CAPN5: variants seen among roughly 807,000 people sequenced by gnomAD.
The protein encoded by CAPN5 is calpain 5.
In CAPN5, 54 loss-of-function variants were observed where a neutral mutation model predicts 73.0. The observed-to-expected ratio is 0.74, with a 90% CI of 0.59 to 0.93. The LOEUF (loss-of-function observed/expected upper bound fraction) is 0.93, where lower values mean the gene tolerates loss of function less well. CAPN5 is among the 40% of genes least tolerant of loss of function. The pLI, the probability that CAPN5 is intolerant of heterozygous loss-of-function variation, is 0.00. For synonymous variants in CAPN5, 335 were observed against 356.9 expected, an observed-to-expected ratio of 0.94 and a Z score of 0.69; for missense variants, 785 against 882.9, an observed-to-expected ratio of 0.89 and a Z score of 1.41.
At chr11:77,100,964 C>T (rs929341670) in intron 3 of CAPN5, among the ~76,000 whole-genome samples, 10 of 152,202 alleles carry the variant, frequency 6.6e-5, no homozygotes, top group Non-Finnish European at 1.3e-4. Flanking sequence ...GCCAAAGGCC[C>T]AGTCTCTCTG....
chr11:77,088,794 T>C (rs567460268), intron 2 of CAPN5, among the ~76,000 whole-genome samples: 7 of 152,284 alleles, frequency 4.6e-5, no homozygotes, highest in Non-Finnish European at 8.8e-5. Flanking sequence ...ACACCAGGAA[T>C]AGAAACCTGA....
chr11:77,093,600 TCTGTGTCTGTC>T (rs1457908939), intron 2 of CAPN5, 71 bp from the exon 3 acceptor site: 27 of 1,418,782 alleles, frequency 1.9e-5, no homozygotes, highest in Admixed American at 8.3e-5. Flanking sequence ...GTCTGTCACG[TCTGTGTCTGTC>T]ATGTCTCCTG....
intron 2 of CAPN5, among the ~76,000 whole-genome samples, chr11:77,085,368 G>A (rs1950074942): frequency 6.6e-6 from 1 of 152,108 alleles, no homozygotes. Context: ...GGGGTGATGT[G>A]GATATGACCA....
At chr11:77,120,575 A>C in intron 9 of CAPN5, 138 bp from the exon 10 acceptor site, 1 of 599,646 alleles carries the variant, frequency 1.7e-6, no homozygotes, top group South Asian at 2.5e-5. Flanking sequence ...CGCTTCTGTT[A>C]TTATAGATTT....
intron 3 of CAPN5, chr11:77,102,985 C>T (rs369475547): frequency 8.7e-6 from 14 of 1,613,290 alleles, no homozygotes; most frequent in East Asian, 2.2e-5. Flanking sequence ...CTGCAGCCAG[C>T]GGAGTCTGTG....
chr11:77,103,864 G>C (rs1366981358), intron 3 of CAPN5, among the ~76,000 whole-genome samples: 1 of 152,208 alleles, frequency 6.6e-6, no homozygotes, highest in Admixed American at 6.5e-5. Context: ...CAACCCTCAG[G>C]ATATGGGGCA....
rs114283981 is a variant in CAPN5, at chr11:77,077,371, T to A, written c.-35-7481T>A. ...GACTCTGTATCAAAAAAAAAGATTT[T>A]AAAAAAGTCTTTTTTTATAAAAGAC... On this transcript the variant is annotated intron_variant, in intron 1 of 12. Transcript: ENST00000648180. Among the ~76,000 whole-genome samples the A allele has an allele frequency of 8.8e-3, 1,343 of 152,082 alleles. 14 individuals are homozygous for A. The highest frequency in any genetic ancestry group is 0.03 in the African/African-American group (1,242 of 41,452).
At chr11:77,098,537 T>G (rs1950241724) in intron 3 of CAPN5, among the ~76,000 whole-genome samples, 1 of 89,018 alleles carries the variant, frequency 1.1e-5, no homozygotes, top group Non-Finnish European at 2.2e-5. Context: ...ACAGGGCGGC[T>G]GGCCGGGCGG....
chr11:77,122,122 A>G, intron 11 of CAPN5, 73 bp downstream of exon 11: 1 of 871,722 alleles, frequency 1.1e-6, no homozygotes, highest in Non-Finnish European at 1.7e-6. Flanking sequence ...CAGCACGGAT[A>G]CCAGCCTCAG....
At chr11:77,084,635 G>A (rs918804322) in intron 1 of CAPN5, among the ~76,000 whole-genome samples, 9 of 152,160 alleles carry the variant, frequency 5.9e-5, no homozygotes, top group Non-Finnish European at 1.2e-4. Flanking sequence ...GCCTGGTATC[G>A]CCTCTGAGCT....
chr11:77,100,630 G>A (rs1476485670), intron 3 of CAPN5, among the ~76,000 whole-genome samples: 2 of 152,092 alleles, frequency 1.3e-5, no homozygotes, highest in Non-Finnish European at 2.9e-5. Context: ...GGACCACAGC[G>A]TCCCCATACA....
Position 77,119,057 on chromosome 11 carries a change from G to C in CAPN5, c.1195G>C (p.Asp399His), listed in dbSNP as rs1555042252. 6 of 1,614,002 alleles carry C rather than the reference G, an allele frequency of 3.7e-6. No homozygotes were observed. Among genetic ancestry groups the C allele is most frequent in the Non-Finnish European group, 5.1e-6 (6 of 1,179,958 alleles). ...QYIFEVKKPE[D>H]EVLICIQQRP... ...CATCTTCGAAGTCAAGAAGCCAGAA[G>C]ATGAAGTCCTGATCTGCATCCAGCA... Residue 399 changes from aspartate (D) to histidine (H), a missense_variant, in exon 9 of 13, where the codon GAT (aspartate) becomes CAT (histidine). Coordinates refer to ENST00000648180, the MANE Select transcript of CAPN5 (RefSeq NM_004055.5).
chr11:77,093,603 G>GCCA, intron 2 of CAPN5, 79 bp from the exon 3 acceptor site: 3 of 1,187,082 alleles, frequency 2.5e-6, no homozygotes, highest in East Asian at 2.8e-5. Context: ...TGTCACGTCT[G>GCCA]TGTCTGTCAT....
chr11:77,104,366 A>G (rs782077850), intron 3 of CAPN5, among the ~76,000 whole-genome samples: 19 of 152,326 alleles, frequency 1.2e-4, no homozygotes, highest in Non-Finnish European at 2.8e-4. Context: ...TCGTCCTGAC[A>G]TAGCATCTGT....
intron 1 of CAPN5, among the ~76,000 whole-genome samples, chr11:77,069,586 A>G (rs1949881067): frequency 6.6e-6 from 1 of 152,122 alleles, no homozygotes; most frequent in Non-Finnish European, 1.5e-5. Context: ...GGTTGAACAG[A>G]AAGCCCAGCA....
intron 1 of CAPN5, among the ~76,000 whole-genome samples, chr11:77,082,235 G>T (rs1950035188): frequency 6.6e-6 from 1 of 152,140 alleles, no homozygotes; most frequent in African/African-American, 2.4e-5. Context: ...GAGAATGGTG[G>T]GGATGAGACT....
At chr11:77,079,989 T>C (rs890680930) in intron 1 of CAPN5, among the ~76,000 whole-genome samples, 2 of 152,226 alleles carry the variant, frequency 1.3e-5, no homozygotes, top group African/African-American at 4.8e-5. Flanking sequence ...TTGTTTTACC[T>C]TTCAGTTAGA....
At chr11:77,106,756 TG>T (rs1420771981) in intron 3 of CAPN5, among the ~76,000 whole-genome samples, 1 of 152,106 alleles carries the variant, frequency 6.6e-6, no homozygotes, top group Non-Finnish European at 1.5e-5. Flanking sequence ...CAGTTATCCG[TG>T]GGTGGGGGTA....
At chr11:77,107,135 G>C (rs1045709366) in intron 3 of CAPN5, among the ~76,000 whole-genome samples, 2 of 152,194 alleles carry the variant, frequency 1.3e-5, no homozygotes, top group Non-Finnish European at 2.9e-5. Flanking sequence ...CAAGAAGGCA[G>C]GGGGTGCCCA....
Sources: allele counts gnomAD v4.1 joint callset (sites outside exome capture counted in the v4.1 genomes callset), GRCh38; gene constraint gnomAD v4.1.1; transcripts MANE v1.5; gene names NCBI Gene and HGNC (gene_info 2026-07-23, HGNC 2026-07-21).